UMAD1: variants seen among roughly 807,000 people sequenced by gnomAD.
The protein encoded by UMAD1 is UBAP1-MVB12-associated (UMA) domain containing 1.
UMAD1 carries 8 observed loss-of-function variants against 6.1 expected under a neutral mutation model. The observed-to-expected ratio is 1.30, with a 90% confidence interval of 0.76 to 2.35. UMAD1 has a LOEUF of 2.35. Among genes scored for constraint, UMAD1 ranks in the 30% most tolerant of loss-of-function variants. UMAD1 has a pLI of 0.00. For synonymous variants in UMAD1, 56 were observed against 31.4 expected, an observed-to-expected ratio of 1.78 and a Z score of -2.61; for missense variants, 130 against 78.4, an observed-to-expected ratio of 1.66 and a Z score of -2.49.
chr7:7,744,593 G>GT (rs377391555), intron 2 of UMAD1, among the ~76,000 whole-genome samples: 31,043 of 135,780 alleles, frequency 0.23, 3,662 homozygotes, highest in Non-Finnish European at 0.29. Context: ...AATTGTTACT[G>GT]TTTTTTTTTT....
chr7:7,671,565 A>G (rs1473705319), intron 1 of UMAD1, among the ~76,000 whole-genome samples: 1 of 152,136 alleles, frequency 6.6e-6, no homozygotes, highest in Non-Finnish European at 1.5e-5. Context: ...GCCTTTTCCA[A>G]TTGTGTAAGT....
chr7:7,642,833 T>A (rs959477119), intron 1 of UMAD1, among the ~76,000 whole-genome samples: 2 of 152,114 alleles, frequency 1.3e-5, no homozygotes, highest in Non-Finnish European at 2.9e-5. Context: ...TATCTTGAAA[T>A]TTGTGTTAAG....
intron 3 of UMAD1, among the ~76,000 whole-genome samples, chr7:7,847,603 C>A (rs1463809112): frequency 6.6e-6 from 1 of 152,030 alleles, no homozygotes; most frequent in African/African-American, 2.4e-5. Flanking sequence ...CATGTTACTC[C>A]CCCTTATAAC....
At chr7:7,706,022 TA>T (rs1245532908) in intron 2 of UMAD1, among the ~76,000 whole-genome samples, 3 of 152,220 alleles carry the variant, frequency 2.0e-5, no homozygotes, top group Non-Finnish European at 4.4e-5. Flanking sequence ...TCTTTGTTGC[TA>T]TTTTTACATG....
chr7:7,863,829 A>G (rs1026514491), intron 3 of UMAD1, among the ~76,000 whole-genome samples: 2 of 152,228 alleles, frequency 1.3e-5, no homozygotes, highest in African/African-American at 4.8e-5. Context: ...AGGCACCACA[A>G]CAGACTCTCC....
chr7:7,750,178 A>C (rs1198323963), intron 2 of UMAD1, among the ~76,000 whole-genome samples: 1 of 152,150 alleles, frequency 6.6e-6, no homozygotes, highest in East Asian at 1.9e-4. Flanking sequence ...TATATAATGT[A>C]ATTTTAACTA....
At chr7:7,856,249 A>G (rs1316419236) in intron 3 of UMAD1, among the ~76,000 whole-genome samples, 4 of 152,210 alleles carry the variant, frequency 2.6e-5, no homozygotes, top group Non-Finnish European at 5.9e-5. Context: ...CATTGTTATA[A>G]GGAAATACCC....
intron 2 of UMAD1, among the ~76,000 whole-genome samples, chr7:7,771,807 TG>T (rs944322504): frequency 3.9e-5 from 6 of 152,142 alleles, no homozygotes; most frequent in African/African-American, 1.4e-4. Flanking sequence ...GTGGAGGGGC[TG>T]GTGCCTCAGG....
intron 2 of UMAD1, among the ~76,000 whole-genome samples, chr7:7,760,574 C>T (rs568473129): frequency 1.3e-5 from 2 of 152,080 alleles, no homozygotes; most frequent in South Asian, 4.1e-4. Context: ...CATCCAAAAA[C>T]CTCTCCCCAG....
At chr7:7,652,637 G>C (rs539370290) in intron 1 of UMAD1, among the ~76,000 whole-genome samples, 17 of 152,206 alleles carry the variant, frequency 1.1e-4, no homozygotes, top group African/African-American at 4.1e-4. Flanking sequence ...GGTTAATTCC[G>C]TGAATTTGGA....
At chr7:7,653,714 G>A (rs769449745) in intron 1 of UMAD1, among the ~76,000 whole-genome samples, 1 of 152,346 alleles carries the variant, frequency 6.6e-6, no homozygotes, top group South Asian at 2.1e-4. Flanking sequence ...GAGTGCTGCT[G>A]AGTGGTTAAT....
rs553328824 is a variant in UMAD1, at chr7:7,697,829, T to G, written c.82+24376T>G. Among the ~76,000 whole-genome samples the G allele has an allele frequency of 1.1e-4, 16 of 152,304 alleles. No individual in the cohort carries two copies. The East Asian group carries it at 3.1e-3, about 29-fold the overall frequency. ...ACTCTTGGGTATCCATCTTCCAATT[T>G]GAGACGTATAAATCAGAGTTTTTCA... is the stretch of plus-strand genomic sequence containing the variant. On this transcript the variant is annotated intron_variant, in intron 2 of 3. Coordinates refer to ENST00000682710, the MANE Select transcript of UMAD1 (RefSeq NM_001302348.2).
intron 3 of UMAD1, among the ~76,000 whole-genome samples, chr7:7,837,143 C>T (rs1783587153): frequency 6.6e-6 from 1 of 151,978 alleles, no homozygotes; most frequent in Non-Finnish European, 1.5e-5. Flanking sequence ...AGCACTGGAT[C>T]CAAAGGCAGT....
intron 1 of UMAD1, among the ~76,000 whole-genome samples, chr7:7,664,285 A>C (rs1779378605): frequency 6.6e-6 from 1 of 152,144 alleles, no homozygotes; most frequent in African/African-American, 2.4e-5. Flanking sequence ...AACTTCACCC[A>C]TCTTAATCCA....
chr7:7,867,224 A>G (rs1350603218), intron 3 of UMAD1, among the ~76,000 whole-genome samples: 3 of 152,224 alleles, frequency 2.0e-5, no homozygotes. Context: ...AAGGAAATGT[A>G]TAATAGGAGT....
intron 2 of UMAD1, among the ~76,000 whole-genome samples, chr7:7,746,616 G>A (rs909130679): frequency 1.3e-5 from 2 of 152,216 alleles, no homozygotes; most frequent in Non-Finnish European, 2.9e-5. Context: ...CAGAGCTACA[G>A]TAAAATTGGC....
chr7:7,835,500 T>TTTTTTTTTTTTTTTTA (rs776524699), intron 3 of UMAD1, among the ~76,000 whole-genome samples: 2 of 102,496 alleles, frequency 2.0e-5, no homozygotes, highest in Non-Finnish European at 4.0e-5. Context: ...TTTTTTTTTT[T>TTTTTTTTTTTTTTTTA]AGCTCTTAGC....
chr7:7,829,810 T>C (rs1212644774), intron 3 of UMAD1, among the ~76,000 whole-genome samples: 1 of 152,148 alleles, frequency 6.6e-6, no homozygotes, highest in Non-Finnish European at 1.5e-5. Context: ...CTGGATCTCC[T>C]TGGTCACATA....
intron 2 of UMAD1, chr7:7,676,271 C>A: frequency 2.5e-6 from 1 of 397,844 alleles, no homozygotes; most frequent in Non-Finnish European, 4.4e-6. Flanking sequence ...TCGGTACCTA[C>A]CCCATGAAGT....
Sources: allele counts gnomAD v4.1 joint callset (sites outside exome capture counted in the v4.1 genomes callset), GRCh38; gene constraint gnomAD v4.1.1; transcripts MANE v1.5; gene names NCBI Gene and HGNC (gene_info 2026-07-23, HGNC 2026-07-21).